GNG2: variants seen among roughly 807,000 people sequenced by gnomAD.
The protein encoded by GNG2 is G protein subunit gamma 2.
A neutral mutation model predicts 5.5 loss-of-function variants in GNG2; 5 were observed. The observed-to-expected ratio is 0.91, with a 90% confidence interval of 0.48 to 1.92. The LOEUF (loss-of-function observed/expected upper bound fraction) is 1.92, where lower values mean the gene tolerates loss of function less well. Ranked by LOEUF, GNG2 falls within the 30% of genes most tolerant of loss-of-function variation. GNG2 has a pLI of 0.01. For synonymous variants in GNG2, 28 were observed against 32.0 expected, an observed-to-expected ratio of 0.88 and a Z score of 0.42; for missense variants, 55 against 88.4, an observed-to-expected ratio of 0.62 and a Z score of 1.52.
intron 2 of GNG2, among the ~76,000 whole-genome samples, chr14:51,950,111 C>T (rs917526187): frequency 1.3e-5 from 2 of 152,202 alleles, no homozygotes; most frequent in African/African-American, 2.4e-5. Context: ...TGTTGTACTT[C>T]ATTTAGAATA....
chr14:51,951,822 G>A, intron 3 of GNG2: 3 of 696,394 alleles, frequency 4.3e-6, no homozygotes, highest in Non-Finnish European at 5.2e-6. Context: ...CAGCAGAGTA[G>A]GGTGGTTGTA....
chr14:51,944,304 A>C (rs895834689), intron 2 of GNG2, among the ~76,000 whole-genome samples: 1 of 152,212 alleles, frequency 6.6e-6, no homozygotes, highest in Non-Finnish European at 1.5e-5. Context: ...AGATGTCAGC[A>C]TGATAAGGTC....
chr14:51,923,250 G>A (rs1383112454), intron 2 of GNG2, among the ~76,000 whole-genome samples: 1 of 152,130 alleles, frequency 6.6e-6, no homozygotes, highest in African/African-American at 2.4e-5. Flanking sequence ...GTGAGAGGGA[G>A]CATTTCAAAG....
intron 1 of GNG2, among the ~76,000 whole-genome samples, chr14:51,862,983 G>A (rs953205785): frequency 2.7e-5 from 2 of 73,986 alleles, no homozygotes; most frequent in Admixed American, 3.8e-4. Context: ...TTTTAATTGT[G>A]CTTTTTTTTT....
chr14:51,939,902 G>T (rs1888216222), intron 2 of GNG2: 1 of 152,218 alleles, frequency 6.6e-6, no homozygotes, highest in Non-Finnish European at 1.5e-5. Context: ...CTTTCCCTGG[G>T]GAGACTGCAG....
Position 51,879,686 on chromosome 14 carries a change from C to T in GNG2, c.-30+2029C>T, listed in dbSNP as rs372646295. 9.5e-4 allele frequency among the ~76,000 whole-genome samples: 144 copies of T among 152,312 alleles called. 1 individual carries two copies. The highest frequency in any genetic ancestry group is 3.1e-3 in the African/African-American group (130 of 41,572). ...AAGCCAGTAGCATTGCCTCTCCATGCGTCTTTCTACCATAGTCCCATCTTC... is the reference window on the plus strand; with the variant it reads ...AAGCCAGTAGCATTGCCTCTCCATGTGTCTTTCTACCATAGTCCCATCTTC... On this transcript the variant is annotated intron_variant, in intron 2 of 3. Coordinates refer to ENST00000556766, the MANE Select transcript of GNG2 (RefSeq NM_053064.5).
At chr14:51,920,810 A>G (rs1303343628) in intron 2 of GNG2, among the ~76,000 whole-genome samples, 1 of 152,164 alleles carries the variant, frequency 6.6e-6, no homozygotes, top group Non-Finnish European at 1.5e-5. Context: ...CAACCAAGAC[A>G]TCATGAATTT....
intron 2 of GNG2, among the ~76,000 whole-genome samples, chr14:51,947,897 G>A (rs999628267): frequency 1.3e-5 from 2 of 152,134 alleles, no homozygotes; most frequent in African/African-American, 2.4e-5. Flanking sequence ...AATAATGGTG[G>A]CATCAATAAG....
At chr14:51,963,535 C>T (rs1885036185) in intron 3 of GNG2, among the ~76,000 whole-genome samples, 2 of 152,166 alleles carry the variant, frequency 1.3e-5, no homozygotes, top group Admixed American at 6.5e-5. Context: ...AAAGTCTGTC[C>T]TTTGTTTTCA....
intron 2 of GNG2, among the ~76,000 whole-genome samples, chr14:51,950,441 G>A (rs1888905752): frequency 6.6e-6 from 1 of 152,176 alleles, no homozygotes; most frequent in African/African-American, 2.4e-5. Context: ...CTCTAAAGAA[G>A]GGATGGGGAA....
At position 51,966,968 on chromosome 14, in the gene GNG2, C is replaced by CCCCT. The variant is rs898821822; in HGVS notation, c.*284_*285insTCCC. The CCCCT allele has an allele frequency of 6.8e-5, 12 of 177,324 alleles. No homozygotes were observed. Among genetic ancestry groups the CCCCT allele is most frequent in the Non-Finnish European group, 1.1e-4 (10 of 87,534 alleles). 11.0% of individuals were successfully genotyped at this position (177,324 alleles called of 1,614,324 possible). A position where few individuals can be genotyped will look rare whatever the true frequency, so the allele number is the denominator to read the frequency against. On this transcript the variant is annotated 3_prime_UTR_variant, in exon 4 of 4. Coordinates refer to ENST00000556766, the MANE Select transcript of GNG2 (RefSeq NM_053064.5). ...TCTTTTCTGCTATCCCCCAGCCCCC[C>CCCCT]CCCCAAAATCCTCATGTTTCTGCTT...
At position 51,842,528 on chromosome 14, in the gene GNG2, A is replaced by G. The variant is rs1192873377; in HGVS notation, c.64+14721A>G. 3.3e-5 allele frequency among the ~76,000 whole-genome samples: 5 copies of G among 152,236 alleles called. No individual in the cohort carries two copies. In the South Asian group the frequency reaches 8.3e-4, roughly 25 times the overall value. ...ACACCCACTGTCCCAGTGCCAGAGTAGCTTTTCCTGAGGTCCCACCCCAGT... is the reference window on the plus strand; with the variant it reads ...ACACCCACTGTCCCAGTGCCAGAGTGGCTTTTCCTGAGGTCCCACCCCAGT... On this transcript the variant is annotated intron_variant, in intron 2 of 3. Transcript: ENST00000553432.
intron 2 of GNG2, chr14:51,916,232 C>A: frequency 3.8e-6 from 1 of 264,986 alleles, no homozygotes; most frequent in South Asian, 3.4e-5. Context: ...TAACCAGAGG[C>A]TAATTTTAGA....
intron 2 of GNG2, among the ~76,000 whole-genome samples, chr14:51,936,074 A>G (rs1887985344): frequency 6.6e-6 from 1 of 152,182 alleles, no homozygotes; most frequent in African/African-American, 2.4e-5. Context: ...ATGAGTCTCC[A>G]GGGACCGCCA....
At chr14:51,844,525 G>A (rs895849800) in intron 2 of GNG2, among the ~76,000 whole-genome samples, 1 of 152,180 alleles carries the variant, frequency 6.6e-6, no homozygotes, top group South Asian at 2.1e-4. Context: ...GTGTGTGTGT[G>A]TGTGGGTGGA....
chr14:51,938,256 G>A (rs912894978), intron 2 of GNG2, among the ~76,000 whole-genome samples: 1 of 152,308 alleles, frequency 6.6e-6, no homozygotes, highest in Non-Finnish European at 1.5e-5. Flanking sequence ...TTGCTTAATA[G>A]AGTCACAGTT....
At position 51,968,962 on chromosome 14, in the gene GNG2, C is replaced by G. The variant is rs1890075273; in HGVS notation, c.*2275C>G. On this transcript the variant is annotated 3_prime_UTR_variant, in exon 4 of 4. Coordinates refer to ENST00000556766, the MANE Select transcript of GNG2 (RefSeq NM_053064.5). ...GAGCATTTTAAGGAAAATGTTTTGG[C>G]TTTTTCATAATTTTATGTCTTACAG... is the stretch of plus-strand genomic sequence containing the variant. The G allele has an allele frequency of 6.6e-6, 1 of 152,048 alleles. No homozygotes were observed. The highest frequency in any genetic ancestry group is 2.4e-5 in the African/African-American group (1 of 41,400). The allele number at this position is 152,048 out of a possible 1,614,324, so 9.4% of individuals were successfully genotyped here.
chr14:51,918,128 G>A (rs1406696420), intron 2 of GNG2, among the ~76,000 whole-genome samples: 1 of 151,946 alleles, frequency 6.6e-6, no homozygotes, highest in East Asian at 1.9e-4. Context: ...GAAGCAACAG[G>A]GGCAAAACAG....
intron 2 of GNG2, among the ~76,000 whole-genome samples, chr14:51,906,757 C>CTTTTTTTTTTTTTTTTTTTTTT (rs34240079): frequency 9.5e-6 from 1 of 105,308 alleles, no homozygotes; most frequent in Non-Finnish European, 1.8e-5. Flanking sequence ...TGGAGAATCT[C>CTTTTTTTTTTTTTTTTTTTTTT]TTTTTTTTTT....
Sources: gnomAD v4.1 joint callset for allele counts (sites outside exome capture counted in the v4.1 genomes callset) on GRCh38, gnomAD v4.1.1 for gene constraint, MANE v1.5 for transcripts, NCBI Gene and HGNC (gene_info 2026-07-23, HGNC 2026-07-21) for gene names.